The following STEAP1B variants were observed in gnomAD, a reference collection of about 807,000 sequenced individuals.
The protein encoded by STEAP1B is STEAP family protein MGC87042.
Under a neutral mutation model 27.9 loss-of-function variants are expected in STEAP1B, and 13 were observed. The ratio of observed to expected loss-of-function variants is 0.47; its 90% CI spans 0.30 to 0.74. STEAP1B has a LOEUF of 0.74. Ranked by LOEUF, STEAP1B falls within the 30% of genes least tolerant of loss-of-function variation. The pLI is 0.06. For missense variants in STEAP1B, 250 were observed against 298.7 expected, an observed-to-expected ratio of 0.84 and a Z score of 1.20; for synonymous variants, 86 against 107.1, an observed-to-expected ratio of 0.80 and a Z score of 1.22.
rs189848400 is a variant in STEAP1B at position 22,432,277 on chromosome 7, G to C, written c.763-12441C>G. Among the ~76,000 whole-genome samples the C allele has an allele frequency of 3.3e-5, 5 of 151,938 alleles. No homozygotes were observed. In the South Asian group the frequency reaches 1.0e-3, roughly 32 times the overall value. ...TTCTGGGCTGGATGTGATGGCTCAC[G>C]CTTCTAATCCCAGTGCTTTGGGAGG... is the stretch of plus-strand genomic sequence containing the variant. On this transcript the variant is annotated intron_variant, in intron 4 of 4. Transcript: ENST00000678116.
intron 4 of STEAP1B, among the ~76,000 whole-genome samples, chr7:22,472,843 G>A (rs1287631103): frequency 6.6e-6 from 1 of 152,182 alleles, no homozygotes; most frequent in Non-Finnish European, 1.5e-5. Context: ...ATGGGCTATG[G>A]AGGCGGGAGA....
intron 4 of STEAP1B, among the ~76,000 whole-genome samples, chr7:22,456,972 A>ATATATATATATATATTTTTTTTTT: frequency 2.5e-4 from 14 of 57,028 alleles, no homozygotes; most frequent in African/African-American, 9.1e-4. Flanking sequence ...ATATATATAT[A>ATATATATATATATATTTTTTTTTT]TTTTTTTTTT....
chr7:22,426,762 T>C (rs1017354489), intron 4 of STEAP1B, among the ~76,000 whole-genome samples: 1 of 152,208 alleles, frequency 6.6e-6, no homozygotes, highest in African/African-American at 2.4e-5. Flanking sequence ...AAGTAAGCCC[T>C]GCCTTGAAAG....
At chr7:22,477,929 T>C (rs1258128752) in intron 4 of STEAP1B, among the ~76,000 whole-genome samples, 4 of 152,188 alleles carry the variant, frequency 2.6e-5, no homozygotes, top group African/African-American at 7.2e-5. Flanking sequence ...CCAGACTCCC[T>C]TGTAACTCAA....
At chr7:22,454,826 A>ATT (rs1785545496) in intron 4 of STEAP1B, among the ~76,000 whole-genome samples, 1 of 36,098 alleles carries the variant, frequency 2.8e-5, no homozygotes, top group Non-Finnish European at 4.8e-5. Context: ...CAAAGAAAAT[A>ATT]TTATATATAT....
At chr7:22,452,350 G>T (rs1216583269) in intron 4 of STEAP1B, among the ~76,000 whole-genome samples, 1 of 152,072 alleles carries the variant, frequency 6.6e-6, no homozygotes, top group Non-Finnish European at 1.5e-5. Context: ...GTGAGAAACG[G>T]AAAGAAAGTG....
At chr7:22,454,245 C>T (rs565537028) in intron 4 of STEAP1B, among the ~76,000 whole-genome samples, 6 of 152,298 alleles carry the variant, frequency 3.9e-5, no homozygotes, top group African/African-American at 1.4e-4. Context: ...GACCCACCTC[C>T]AACCCCTGCC....
chr7:22,424,735 A>T (rs1040494172), intron 4 of STEAP1B, among the ~76,000 whole-genome samples: 14 of 152,324 alleles, frequency 9.2e-5, no homozygotes, highest in African/African-American at 3.4e-4. Flanking sequence ...ATAGGGAACT[A>T]CATGTCTCAT....
intron 4 of STEAP1B, among the ~76,000 whole-genome samples, chr7:22,448,472 A>G (rs1785439757): frequency 6.6e-6 from 1 of 152,190 alleles, no homozygotes; most frequent in Admixed American, 6.5e-5. Context: ...ACGCTTAAAA[A>G]TATGTTATCA....
chr7:22,422,904 G>T (rs1166341128), intron 4 of STEAP1B, among the ~76,000 whole-genome samples: 1 of 152,142 alleles, frequency 6.6e-6, no homozygotes, highest in African/African-American at 2.4e-5. Flanking sequence ...TTGTTCAGAT[G>T]AGAAGAAAAA....
intron 4 of STEAP1B, among the ~76,000 whole-genome samples, chr7:22,456,748 AAG>A (rs1206002303): frequency 1.3e-5 from 2 of 151,510 alleles, no homozygotes; most frequent in Admixed American, 6.6e-5. Context: ...AGAGGAAGAA[AAG>A]AGAGTCTGGT....
intron 4 of STEAP1B, among the ~76,000 whole-genome samples, chr7:22,464,068 G>A (rs1785728446): frequency 6.6e-6 from 1 of 152,034 alleles, no homozygotes; most frequent in Admixed American, 6.5e-5. Context: ...CTGACAAAGG[G>A]CTAATATCCA....
rs369327160 is a variant in STEAP1B, at chr7:22,453,665, CA to C, written c.763-33830del. On this transcript the variant is annotated intron_variant, in intron 4 of 4. Coordinates refer to ENST00000678116, the MANE Select transcript of STEAP1B (RefSeq NM_001382447.1). Reference sequence around the variant, plus strand: ...ACAACCTTTGATCAAAACACAACATCAAATAATCCAAAAAGATCCCTTGTGT... The same window carrying C: ...ACAACCTTTGATCAAAACACAACATCAATAATCCAAAAAGATCCCTTGTGT... 3.7e-4 allele frequency among the ~76,000 whole-genome samples: 57 copies of C among 152,278 alleles called. No homozygotes were observed. The East Asian group carries it at 0.01, about 28-fold the overall frequency.
At chr7:22,488,613 A>G (rs915814792) in intron 4 of STEAP1B, among the ~76,000 whole-genome samples, 3 of 152,208 alleles carry the variant, frequency 2.0e-5, no homozygotes, top group African/African-American at 7.2e-5. Flanking sequence ...GCCCTAACAA[A>G]AGGGAAGATG....
intron 4 of STEAP1B, among the ~76,000 whole-genome samples, chr7:22,485,425 A>T (rs1307498995): frequency 6.6e-6 from 1 of 152,248 alleles, no homozygotes; most frequent in Non-Finnish European, 1.5e-5. Flanking sequence ...TTTTAAATTA[A>T]GATATGTACA....
At chr7:22,430,808 T>C (rs1032972241) in intron 4 of STEAP1B, among the ~76,000 whole-genome samples, 6 of 152,228 alleles carry the variant, frequency 3.9e-5, no homozygotes, top group African/African-American at 1.4e-4. Context: ...GACAGACACA[T>C]TTCTCACCAT....
intron 4 of STEAP1B, among the ~76,000 whole-genome samples, chr7:22,488,748 AG>A (rs1786264174): frequency 6.6e-6 from 1 of 152,220 alleles, no homozygotes; most frequent in Non-Finnish European, 1.5e-5. Context: ...AGAAGCAGTC[AG>A]GGGACATATG....
chr7:22,474,626 G>A (rs1401421947), intron 4 of STEAP1B, among the ~76,000 whole-genome samples: 7 of 152,190 alleles, frequency 4.6e-5, no homozygotes, highest in African/African-American at 1.7e-4. Flanking sequence ...AACTGTCATC[G>A]TATACAGGGT....
intron 4 of STEAP1B, among the ~76,000 whole-genome samples, chr7:22,488,119 G>C (rs1358782779): frequency 6.6e-6 from 1 of 152,102 alleles, no homozygotes; most frequent in East Asian, 1.9e-4. Context: ...CCAGGCTATT[G>C]TCCCAGTCCT....
Sources: gnomAD v4.1 joint callset for allele counts (sites outside exome capture counted in the v4.1 genomes callset) on GRCh38, gnomAD v4.1.1 for gene constraint, MANE v1.5 for transcripts, NCBI Gene and HGNC (gene_info 2026-07-23, HGNC 2026-07-21) for gene names.